NRXN3: variants seen among roughly 807,000 people sequenced by gnomAD.
The protein encoded by NRXN3 is neurexin 3.
Under a neutral mutation model 137.6 loss-of-function variants are expected in NRXN3, and 32 were observed. The ratio of observed to expected loss-of-function variants is 0.23; its 90% CI spans 0.18 to 0.31. The LOEUF is 0.31. NRXN3 is among the 10% of genes least tolerant of loss of function. The probability of loss-of-function intolerance (pLI) is 1.00; values close to 1 mark genes in which losing one functional copy is unlikely to be tolerated. For synonymous variants in NRXN3, 798 were observed against 784.5 expected (o/e 1.02, Z -0.29); for missense variants, 1,574 against 2,062.5 (o/e 0.76, Z 4.59).
At chr14:78,239,548 C>T (rs2066805074) in intron 1 of NRXN3, among the ~76,000 whole-genome samples, 2 of 152,204 alleles carry the variant, frequency 1.3e-5, no homozygotes, top group South Asian at 2.1e-4. Flanking sequence ...ATGTCTTCCA[C>T]TCACTCCGCT....
At chr14:79,366,136 G>A (rs887182411) in intron 15 of NRXN3, among the ~76,000 whole-genome samples, 44 of 152,158 alleles carry the variant, frequency 2.9e-4, no homozygotes, top group Admixed American at 1.3e-3. Flanking sequence ...GCACTGATAA[G>A]TTACTTGTCA....
At chr14:79,024,691 G>C (rs1383129587) in intron 15 of NRXN3, among the ~76,000 whole-genome samples, 1 of 152,064 alleles carries the variant, frequency 6.6e-6, no homozygotes, top group Non-Finnish European at 1.5e-5. Context: ...GTAAAACATT[G>C]TAATCTGTAT....
chr14:79,624,811 T>TG (rs2098266092), intron 16 of NRXN3, among the ~76,000 whole-genome samples: 5 of 147,800 alleles, frequency 3.4e-5, no homozygotes, highest in Non-Finnish European at 7.4e-5. Context: ...TTGTTTGTTT[T>TG]TGTTTTTTTT....
chr14:78,543,868 G>A (rs996070927), intron 4 of NRXN3, among the ~76,000 whole-genome samples: 4 of 152,186 alleles, frequency 2.6e-5, no homozygotes, highest in African/African-American at 7.2e-5. Flanking sequence ...AGTCAAAGCC[G>A]GAATCAAGGG....
chr14:78,201,714 A>G (rs558079704), intron 1 of NRXN3, among the ~76,000 whole-genome samples: 1 of 152,332 alleles, frequency 6.6e-6, no homozygotes, highest in South Asian at 2.1e-4. Context: ...GCTGCTGACA[A>G]GTCTCGGGCT....
chr14:79,441,337 G>A (rs941551795), intron 15 of NRXN3, among the ~76,000 whole-genome samples: 17 of 132,810 alleles, frequency 1.3e-4, no homozygotes, highest in African/African-American at 4.8e-4. Context: ...ACAAAATGCT[G>A]AAAGAATATC....
chr14:79,499,804 A>G (rs976446011), intron 16 of NRXN3, among the ~76,000 whole-genome samples: 16 of 152,288 alleles, frequency 1.1e-4, no homozygotes, highest in African/African-American at 3.8e-4. Flanking sequence ...ATTTGCTTCT[A>G]CGAACAAGGT....
chr14:78,401,148 A>T (rs138979634), intron 4 of NRXN3, among the ~76,000 whole-genome samples: 10 of 152,232 alleles, frequency 6.6e-5, no homozygotes, highest in Non-Finnish European at 1.5e-5. Flanking sequence ...ATAAAGCACT[A>T]GTGGGGTCCC....
rs577643400 is a variant in NRXN3, at chr14:79,631,433, G to A, written c.3445-32345G>A. Among the ~76,000 whole-genome samples the A allele has an allele frequency of 5.2e-5, 8 of 152,382 alleles. No individual in the cohort carries two copies. In the South Asian group the frequency reaches 8.3e-4, roughly 16 times the overall value. ...TGGGGCTGGCCAAGGCCTGCCCTCT[G>A]CTGGCGGGGAGGTGTGGAGAGACAG... On this transcript the variant is annotated intron_variant, in intron 16 of 20. Transcript: ENST00000335750.
At chr14:78,389,124 C>T (rs565271738) in intron 4 of NRXN3, among the ~76,000 whole-genome samples, 20 of 151,054 alleles carry the variant, frequency 1.3e-4, no homozygotes, top group African/African-American at 4.4e-4. Context: ...GACACCATCT[C>T]GGCTCACTGC....
At chr14:78,279,832 A>G (rs1165347471) in intron 3 of NRXN3, 6 of 152,146 alleles carry the variant, frequency 3.9e-5, no homozygotes, top group Admixed American at 1.3e-4. Flanking sequence ...TTCCAAATGA[A>G]TTTATCTTTT....
At chr14:79,425,022 A>G (rs2095634140) in intron 15 of NRXN3, among the ~76,000 whole-genome samples, 1 of 152,194 alleles carries the variant, frequency 6.6e-6, no homozygotes, top group Non-Finnish European at 1.5e-5. Flanking sequence ...GGTGGTTGGT[A>G]AAACATCAGA....
intron 4 of NRXN3, among the ~76,000 whole-genome samples, chr14:78,304,269 C>A (rs1349857208): frequency 6.6e-6 from 1 of 152,106 alleles, no homozygotes; most frequent in African/African-American, 2.4e-5. Context: ...CCAGAATAAA[C>A]GTGGGAAAGG....
At chr14:78,521,504 G>C (rs1486871793) in intron 4 of NRXN3, among the ~76,000 whole-genome samples, 1 of 152,154 alleles carries the variant, frequency 6.6e-6, no homozygotes, top group Admixed American at 6.5e-5. Context: ...TGCTCTGCCT[G>C]AAGCCCAGGG....
intron 4 of NRXN3, among the ~76,000 whole-genome samples, chr14:78,298,448 C>T (rs1260530462): frequency 1.3e-5 from 2 of 152,220 alleles, no homozygotes; most frequent in Non-Finnish European, 2.9e-5. Flanking sequence ...ACTCATTATA[C>T]ACCCTGAAGA....
intron 15 of NRXN3, among the ~76,000 whole-genome samples, chr14:79,117,480 A>C (rs942201373): frequency 6.6e-6 from 1 of 152,198 alleles, no homozygotes; most frequent in Admixed American, 6.5e-5. Flanking sequence ...CTAGATACTT[A>C]ATAGAAATGA....
chr14:79,641,448 C>T (rs953113083), intron 16 of NRXN3, among the ~76,000 whole-genome samples: 1 of 135,754 alleles, frequency 7.4e-6, no homozygotes, highest in Non-Finnish European at 1.7e-5. Flanking sequence ...TCTAATGACA[C>T]AGCATAACAA....
Position 78,968,313 on chromosome 14 carries a change from C to T in NRXN3, c.3109C>T (p.His1037Tyr), listed in dbSNP as rs2099427919. 1.2e-6 allele frequency: 2 copies of T among 1,613,934 alleles called. No individual in the cohort carries two copies. The highest frequency in any genetic ancestry group is 1.7e-6 in the Non-Finnish European group (2 of 1,179,974). The change falls in exon 14 of 21, where the codon CAT becomes TAT. Residue 1037 changes from histidine to tyrosine, a missense_variant. Physicochemically the swap from His to Tyr is moderately conservative, Grantham distance 83. Transcript: ENST00000335750. Reference protein sequence around the residue: ...RLPDLINDALHRSGQIERGCE... With the variant: ...RLPDLINDALYRSGQIERGCE... ...GCCAGACCTCATCAATGATGCTCTTCATCGGAGCGGACAGATCGAGCGTGG... is the reference window on the plus strand; with the variant it reads ...GCCAGACCTCATCAATGATGCTCTTTATCGGAGCGGACAGATCGAGCGTGG...
intron 19 of NRXN3, among the ~76,000 whole-genome samples, chr14:79,772,838 G>A (rs1167405336): frequency 3.3e-5 from 5 of 152,008 alleles, no homozygotes; most frequent in African/African-American, 9.7e-5. Flanking sequence ...GAGTGAACAG[G>A]CAACCTACAA....
Sources: gnomAD v4.1 joint callset for allele counts (sites outside exome capture counted in the v4.1 genomes callset) on GRCh38, gnomAD v4.1.1 for gene constraint, MANE v1.5 for transcripts, NCBI Gene and HGNC (gene_info 2026-07-23, HGNC 2026-07-21) for gene names.